The following RELN variants were observed in gnomAD, a reference collection of about 807,000 sequenced individuals.
RELN encodes the protein reelin.
RELN carries 108 observed loss-of-function variants against 427.6 expected under a neutral mutation model. The ratio of observed to expected loss-of-function variants is 0.25; its 90% CI spans 0.22 to 0.30. The LOEUF is 0.30. RELN is among the 10% of genes least tolerant of loss of function. The probability of loss-of-function intolerance (pLI) is 1.00; values close to 1 mark genes in which losing one functional copy is unlikely to be tolerated. For synonymous variants in RELN, 1,524 were observed against 1,513.4 expected, an observed-to-expected ratio of 1.01 and a Z score of -0.16; for missense variants, 3,715 against 4,302.8, an observed-to-expected ratio of 0.86 and a Z score of 3.82.
rs556161675 is a variant in RELN at position 103,621,020 on chromosome 7, C to T, written c.2702+8920G>A. ...TTTTCCTTCCAACTCTGTGCAACCA[C>T]GTGCCTTATTTAGAGCATACTCAAA... On this transcript the variant is annotated intron_variant, in intron 20 of 64. Transcript: ENST00000428762. 5.9e-5 allele frequency among the ~76,000 whole-genome samples: 9 copies of T among 152,334 alleles called. No homozygotes were observed. In the East Asian group the frequency reaches 1.2e-3, roughly 20 times the overall value.
At chr7:103,901,728 G>A (rs1444190999) in intron 2 of RELN, among the ~76,000 whole-genome samples, 2 of 151,994 alleles carry the variant, frequency 1.3e-5, no homozygotes, top group Non-Finnish European at 2.9e-5. Context: ...ACTAGTGGCT[G>A]CCTGGGGATG....
intron 64 of RELN, among the ~76,000 whole-genome samples, chr7:103,475,209 A>G (rs956812400): frequency 5.3e-5 from 8 of 150,408 alleles, no homozygotes; most frequent in Admixed American, 5.3e-4. Flanking sequence ...CTCCCTCTAT[A>G]AGTGAACTTT....
intron 6 of RELN, among the ~76,000 whole-genome samples, chr7:103,740,217 A>T (rs529698130): frequency 2.0e-5 from 3 of 152,232 alleles, no homozygotes; most frequent in Non-Finnish European, 4.4e-5. Context: ...GAATATAAAG[A>T]AATTAGGTTG....
Position 103,753,215 on chromosome 7 carries a change from C to A in RELN, c.545-1G>T. 1 of 1,613,850 alleles carries A rather than the reference C, an allele frequency of 6.2e-7. No individual in the cohort carries two copies. The highest frequency in any genetic ancestry group is 8.5e-7 in the Non-Finnish European group (1 of 1,179,904). On this transcript the variant is annotated splice_acceptor_variant, in intron 4 of 64. Coordinates refer to ENST00000428762, the MANE Select transcript of RELN (RefSeq NM_005045.4). LOFTEE classifies it high-confidence loss of function. ...GGGTGCACAGTGACATCTGTTGGAG[C>A]TGAATCAAGAGAGGAAAGAAGAAAG...
chr7:103,515,119 A>G, intron 50 of RELN, 66 bp downstream of exon 50: 1 of 1,609,194 alleles, frequency 6.2e-7, no homozygotes, highest in South Asian at 1.1e-5. Context: ...TGCTCTTTTG[A>G]AAAGACCCAA....
At chr7:103,882,345 C>G (rs900445084) in intron 2 of RELN, among the ~76,000 whole-genome samples, 6 of 152,074 alleles carry the variant, frequency 3.9e-5, no homozygotes, top group African/African-American at 1.4e-4. Flanking sequence ...ATCATTCTGG[C>G]TATATTACTA....
intron 12 of RELN, among the ~76,000 whole-genome samples, chr7:103,658,414 T>C (rs1833068098): frequency 6.6e-6 from 1 of 152,020 alleles, no homozygotes; most frequent in African/African-American, 2.4e-5. Context: ...CCATATGGCT[T>C]TATCTCCCAT....
chr7:103,830,912 G>T (rs1012896139), intron 3 of RELN, among the ~76,000 whole-genome samples: 1 of 152,110 alleles, frequency 6.6e-6, no homozygotes, highest in African/African-American at 2.4e-5. Flanking sequence ...AAATTTTATT[G>T]AGAGATATGG....
chr7:103,665,921 GT>G (rs1179547062), intron 11 of RELN, among the ~76,000 whole-genome samples: 2 of 151,332 alleles, frequency 1.3e-5, no homozygotes, highest in African/African-American at 4.9e-5. Context: ...ATTGCATTAT[GT>G]GTTTTTTTCT....
intron 11 of RELN, among the ~76,000 whole-genome samples, chr7:103,669,023 T>C (rs895849506): frequency 2.6e-5 from 4 of 152,196 alleles, no homozygotes; most frequent in Admixed American, 1.3e-4. Flanking sequence ...AAAACTTTTC[T>C]AGATTAATTT....
chr7:103,698,781 T>C (rs1196693216), intron 9 of RELN, among the ~76,000 whole-genome samples: 1 of 152,126 alleles, frequency 6.6e-6, no homozygotes, highest in African/African-American at 2.4e-5. Flanking sequence ...TCCCAAAGTG[T>C]TGGGGCTGCT....
At chr7:103,589,520 T>A in intron 28 of RELN, 76 bp downstream of exon 28, 1 of 961,602 alleles carries the variant, frequency 1.0e-6, no homozygotes, top group Non-Finnish European at 1.7e-6. Context: ...CTTTCAGGAT[T>A]ACAACATTTA....
intron 5 of RELN, among the ~76,000 whole-genome samples, chr7:103,749,705 T>C (rs1471125405): frequency 6.6e-6 from 1 of 152,106 alleles, no homozygotes; most frequent in African/African-American, 2.4e-5. Context: ...CACCTAGAAG[T>C]TGGGAAAACC....
intron 2 of RELN, among the ~76,000 whole-genome samples, chr7:103,892,391 T>C (rs976009263): frequency 2.6e-5 from 4 of 152,148 alleles, no homozygotes; most frequent in Admixed American, 2.6e-4. Context: ...ACTAATTTCC[T>C]AACAAATTAA....
intron 51 of RELN, chr7:103,504,377 T>G (rs760323608): frequency 5.9e-5 from 9 of 152,160 alleles, no homozygotes; most frequent in Admixed American, 1.3e-4. Flanking sequence ...ATCCTACATT[T>G]TTATTGTTGA....
chr7:103,594,532 G>T (rs1251941823), intron 25 of RELN, 40 bp from the exon 26 acceptor site: 1 of 1,583,736 alleles, frequency 6.3e-7, no homozygotes, highest in Non-Finnish European at 8.6e-7. Context: ...GAAAACAAAA[G>T]CTGTGCTTTT....
chr7:103,510,644 A>G (rs2117061174), intron 51 of RELN, among the ~76,000 whole-genome samples: 2 of 152,316 alleles, frequency 1.3e-5, no homozygotes, highest in Middle Eastern at 6.8e-3. Flanking sequence ...AAAAGATGAA[A>G]AAAAGTTTCA....
At chr7:103,869,244 A>G (rs1053443410) in intron 2 of RELN, among the ~76,000 whole-genome samples, 2 of 152,106 alleles carry the variant, frequency 1.3e-5, no homozygotes, top group African/African-American at 4.8e-5. Flanking sequence ...CTTAAGCCCC[A>G]CATTTTAATG....
chr7:103,516,102 A>G (rs1017644184), intron 49 of RELN, among the ~76,000 whole-genome samples: 1 of 152,198 alleles, frequency 6.6e-6, no homozygotes, highest in African/African-American at 2.4e-5. Flanking sequence ...CAGACATGGA[A>G]AAATGTGGCT....
Sources: allele counts gnomAD v4.1 joint callset (sites outside exome capture counted in the v4.1 genomes callset), GRCh38; gene constraint gnomAD v4.1.1; transcripts MANE v1.5; gene names NCBI Gene and HGNC (gene_info 2026-07-23, HGNC 2026-07-21).